ANKRD11: variants seen among roughly 807,000 people sequenced by gnomAD.
The protein encoded by ANKRD11 is ankyrin repeat domain-containing protein 11.
In ANKRD11, 17 loss-of-function variants were observed where a neutral mutation model predicts 195.7. The observed-to-expected ratio is 0.09, with a 90% CI of 0.06 to 0.13. ANKRD11 has a LOEUF of 0.13. Ranked by LOEUF, ANKRD11 falls within the 10% of genes least tolerant of loss-of-function variation. ANKRD11 has a pLI of 1.00. For missense variants in ANKRD11, 3,735 were observed against 3,566.1 expected, an observed-to-expected ratio of 1.05 and a Z score of -1.21; for synonymous variants, 1,953 against 1,528.1, an observed-to-expected ratio of 1.28 and a Z score of -6.49.
intron 1 of ANKRD11, among the ~76,000 whole-genome samples, chr16:89,489,856 C>G (rs2057757648): frequency 6.8e-6 from 1 of 146,434 alleles, no homozygotes; most frequent in Non-Finnish European, 1.5e-5. Flanking sequence ...GCCCCGGAGC[C>G]CCCAATCGGC....
At chr16:89,271,189 C>T in intron 11 of ANKRD11, 1 of 495,092 alleles carries the variant, frequency 2.0e-6, no homozygotes, top group Non-Finnish European at 3.7e-6. Context: ...CCCAGCCCTG[C>T]CCCCAGGGGA....
chr16:89,468,673 C>T (rs1597502436), intron 1 of ANKRD11, among the ~76,000 whole-genome samples: 1 of 152,130 alleles, frequency 6.6e-6, no homozygotes, highest in East Asian at 1.9e-4. Flanking sequence ...CGCCACTGCA[C>T]TCCAGCCTGG....
intron 1 of ANKRD11, among the ~76,000 whole-genome samples, chr16:89,468,767 T>A (rs2056968275): frequency 6.6e-6 from 1 of 152,118 alleles, no homozygotes; most frequent in South Asian, 2.1e-4. Flanking sequence ...GCTGCCCTAC[T>A]GTTCTTGGCA....
chr16:89,441,501 C>A (rs900837051), intron 1 of ANKRD11, among the ~76,000 whole-genome samples: 3 of 152,098 alleles, frequency 2.0e-5, no homozygotes, highest in Middle Eastern at 3.4e-3. Context: ...GGCGCGGTGG[C>A]TCACGCCTGT....
At position 89,279,430 on chromosome 16, in the gene ANKRD11, G is replaced by C; in HGVS notation, c.7112C>G (p.Ala2371Gly). 1 of 1,519,976 alleles carries C rather than the reference G, an allele frequency of 6.6e-7. No individual in the cohort carries two copies. The highest frequency in any genetic ancestry group is 8.8e-7 in the Non-Finnish European group (1 of 1,134,314). 94.2% of individuals were successfully genotyped at this position (1,519,976 alleles called of 1,614,324 possible). Reference protein sequence around the residue: ...PTPAPVTRAKARGSEDDDAQA... With the variant: ...PTPAPVTRAKGRGSEDDDAQA... Reference sequence around the variant, plus strand: ...GGCGTCGTCGTCCTCGGAGCCGCGGGCCTTGGCCCTGGTGACCGGGGCAGG... The same window carrying C: ...GGCGTCGTCGTCCTCGGAGCCGCGGCCCTTGGCCCTGGTGACCGGGGCAGG... The change falls in exon 9 of 13, where the codon GCC becomes GGC. Residue 2371 changes from alanine (A) to glycine (G), a missense_variant. By Grantham distance (60) the Ala-to-Gly change is moderately conservative (BLOSUM62 0). Coordinates refer to ENST00000301030, the MANE Select transcript of ANKRD11 (RefSeq NM_013275.6). This position sits in a 1 kb window ranked among gnomAD's most constrained non-coding sequence, Gnocchi z 5.6.
chr16:89,440,688 C>CA (rs1389906909), intron 1 of ANKRD11, among the ~76,000 whole-genome samples: 1 of 152,050 alleles, frequency 6.6e-6, no homozygotes, highest in Non-Finnish European at 1.5e-5. Flanking sequence ...CTAAGGGCCC[C>CA]AAAAAATCCA....
chr16:89,280,660 C>A lies in ANKRD11; in HGVS notation c.5882G>T (p.Ser1961Ile). The A allele has an allele frequency of 6.2e-7, 1 of 1,613,440 alleles. No individual in the cohort carries two copies. Among genetic ancestry groups the A allele is most frequent in the South Asian group, 1.1e-5 (1 of 91,088 alleles). The change falls in exon 9 of 13, where the codon AGC becomes ATC. Residue 1961 changes from serine to isoleucine, a missense_variant. Transcript: ENST00000301030. Reference protein sequence around the residue: ...AHPSEQALASSLIGGTSENPV... With the variant: ...AHPSEQALASILIGGTSENPV... Reference sequence around the variant, plus strand: ...GTTTTCAGAGGTGCCCCCGATCAGGCTAGAGGCAAGCGCCTGCTCGGAGGG... The same window carrying A: ...GTTTTCAGAGGTGCCCCCGATCAGGATAGAGGCAAGCGCCTGCTCGGAGGG...
chr16:89,487,973 G>A (rs188615555), intron 1 of ANKRD11, among the ~76,000 whole-genome samples: 194 of 152,152 alleles, frequency 1.3e-3, no homozygotes, highest in Non-Finnish European at 2.3e-3. Flanking sequence ...CTGGTATGGG[G>A]TGCCCAGCAT....
chr16:89,280,049 C>G lies in ANKRD11; in HGVS notation c.6493G>C (p.Glu2165Gln). 6.2e-7 allele frequency: 1 copy of G among 1,612,966 alleles called. No individual in the cohort carries two copies. Among genetic ancestry groups the G allele is most frequent in the Middle Eastern group, 1.7e-4 (1 of 6,052 alleles). ...ACCCCGGGGGCCCCTGGAGGCATCT[C>G]TTCTGGAGGAGCAAGACTTTCTTCC... ...PVEESLAPPE[E>Q]MPPGAPGVIN... The change falls in exon 9 of 13, where the codon GAG becomes CAG. Residue 2165 changes from glutamate (E) to glutamine (Q), a missense_variant. Transcript: ENST00000301030.
intron 1 of ANKRD11, among the ~76,000 whole-genome samples, chr16:89,437,165 C>T (rs2043249409): frequency 2.0e-5 from 3 of 152,176 alleles, no homozygotes; most frequent in Admixed American, 2.0e-4. Flanking sequence ...TCACTGAAAG[C>T]GCAGCACACA....
intron 2 of ANKRD11, among the ~76,000 whole-genome samples, chr16:89,350,731 GAC>G (rs2039174826): frequency 6.6e-6 from 1 of 152,184 alleles, no homozygotes; most frequent in Non-Finnish European, 1.5e-5. Context: ...GTGGGAACAA[GAC>G]AGTTCCAACT....
chr16:89,274,680 G>C lies in ANKRD11; in HGVS notation c.7713+134C>G, dbSNP rs922850147. 54 of 1,331,364 alleles carry C rather than the reference G, an allele frequency of 4.1e-5. No homozygotes were observed. The African/African-American group carries it at 6.5e-4, about 16-fold the overall frequency. The allele number at this position is 1,331,364 out of a possible 1,614,324, so 82.5% of individuals were successfully genotyped here. A position where few individuals can be genotyped will look rare whatever the true frequency, so the allele number is the denominator to read the frequency against. On this transcript the variant is annotated intron_variant, in intron 11 of 12. Transcript: ENST00000301030. ...TCGCCCAAGGCTAGAGGCATGCAAA[G>C]GACTCTGTAGCCCCTGCAAGGTGCT...
chr16:89,464,448 A>C (rs2056812068), intron 1 of ANKRD11, among the ~76,000 whole-genome samples: 2 of 151,228 alleles, frequency 1.3e-5, no homozygotes, highest in African/African-American at 4.9e-5. Context: ...CTCTACTAAA[A>C]ATACAAAAAA....
rs1048916817 is a variant in ANKRD11 at position 89,276,718 on chromosome 16, T to A, written c.7471-1527A>T. Among the ~76,000 whole-genome samples, 8 of 152,272 alleles carry A rather than the reference T, an allele frequency of 5.3e-5. 1 individual carries two copies. The highest frequency in any genetic ancestry group is 1.9e-4 in the African/African-American group (8 of 41,540). On this transcript the variant is annotated intron_variant, in intron 9 of 12. Coordinates refer to ENST00000301030, the MANE Select transcript of ANKRD11 (RefSeq NM_013275.6). ...GGCGTGCAGCAGGTGCATAAACCTA[T>A]CTCTGCTGTTTCTGAACTTTTCTGC... is the stretch of plus-strand genomic sequence containing the variant.
intron 2 of ANKRD11, among the ~76,000 whole-genome samples, chr16:89,329,999 A>T (rs2037961147): frequency 7.2e-6 from 1 of 138,690 alleles, no homozygotes; most frequent in East Asian, 1.9e-4. Flanking sequence ...TGTCTCAAAA[A>T]TAAAATAAAA....
At chr16:89,350,343 C>T (rs772081059) in intron 2 of ANKRD11, among the ~76,000 whole-genome samples, 18 of 152,150 alleles carry the variant, frequency 1.2e-4, no homozygotes, top group Non-Finnish European at 2.4e-4. Context: ...GTACCACATC[C>T]AGCCATCTGA....
In ANKRD11 at chr16:89,402,966, G is replaced by A. The variant is rs115671825; in HGVS notation, c.-60+15318C>T. 1.6e-3 allele frequency among the ~76,000 whole-genome samples: 247 copies of A among 152,224 alleles called. 2 individuals carry two copies. Among genetic ancestry groups the A allele is most frequent in the African/African-American group, 5.6e-3 (232 of 41,530 alleles). On this transcript the variant is annotated intron_variant, in intron 2 of 12. Coordinates refer to ENST00000301030, the MANE Select transcript of ANKRD11 (RefSeq NM_013275.6). ...GCCTGCCAGTGGAGACCTCTTTTCC[G>A]CCTGGGCTCCAGCTCTAGAGCAAGG...
At position 89,267,708 on chromosome 16, in the gene ANKRD11, A is replaced by AATG. The variant is rs1171558231; in HGVS notation, c.*767_*769dup. The stretch of plus-strand genomic sequence containing the variant: ...CATAAGTTATTTACAACTGTGCAGT[A>AATG]ATGTGTTGCAAAATAAATTATCTAG... On this transcript the variant is annotated 3_prime_UTR_variant, in exon 13 of 13. Transcript: ENST00000301030. 2 of 152,404 alleles carry AATG rather than the reference A, an allele frequency of 1.3e-5. No individual in the cohort carries two copies. Among genetic ancestry groups the AATG allele is most frequent in the African/African-American group, 4.8e-5 (2 of 41,470 alleles). 9.4% of individuals were successfully genotyped at this position (152,404 alleles called of 1,614,324 possible).
intron 2 of ANKRD11, chr16:89,395,902 C>G (rs929883645): frequency 3.9e-5 from 6 of 152,340 alleles, no homozygotes; most frequent in African/African-American, 1.4e-4. Context: ...CAGCATTCAT[C>G]TTGTGCATAT....
Sources: allele counts gnomAD v4.1 joint callset (sites outside exome capture counted in the v4.1 genomes callset), GRCh38; gene constraint gnomAD v4.1.1; non-coding constraint Gnocchi (gnomAD v3.1); transcripts MANE v1.5; gene names NCBI Gene and HGNC (gene_info 2026-07-23, HGNC 2026-07-21).